The following SMOC1 variants were observed in gnomAD, a reference collection of about 807,000 sequenced individuals.
SMOC1 encodes the protein SPARC related modular calcium binding 1, also known as SPARC-related modular calcium-binding protein 1.
Under a neutral mutation model 56.3 loss-of-function variants are expected in SMOC1, and 22 were observed. The ratio of observed to expected loss-of-function variants is 0.39; its 90% CI spans 0.28 to 0.56. The LOEUF (loss-of-function observed/expected upper bound fraction) is 0.56. Ranked by LOEUF, SMOC1 falls within the 20% of genes least tolerant of loss-of-function variation. The pLI, the probability that SMOC1 is intolerant of heterozygous loss-of-function variation, is 0.61. For synonymous variants in SMOC1, 193 were observed against 215.0 expected (o/e 0.90, Z 0.89); for missense variants, 509 against 565.4 (o/e 0.90, Z 1.01).
intron 1 of SMOC1, among the ~76,000 whole-genome samples, chr14:69,934,935 G>A (rs1885258504): frequency 1.3e-5 from 2 of 152,156 alleles, no homozygotes; most frequent in African/African-American, 4.8e-5. Flanking sequence ...GTGGTTGTCA[G>A]GATCAATTAA....
chr14:69,935,561 G>A (rs894712024), intron 1 of SMOC1, among the ~76,000 whole-genome samples: 3 of 152,218 alleles, frequency 2.0e-5, no homozygotes, highest in Admixed American at 6.5e-5. Flanking sequence ...TCTCTTTAGA[G>A]TTGATGTGTT....
At chr14:69,881,852 G>T (rs1345465934) in intron 1 of SMOC1, among the ~76,000 whole-genome samples, 2 of 152,180 alleles carry the variant, frequency 1.3e-5, no homozygotes, top group Non-Finnish European at 2.9e-5. Flanking sequence ...AGAACAAGAA[G>T]TTGGGTCTTT....
chr14:69,929,766 G>A (rs1885111095), intron 1 of SMOC1, among the ~76,000 whole-genome samples: 1 of 152,206 alleles, frequency 6.6e-6, no homozygotes, highest in Admixed American at 6.5e-5. Context: ...ATTAAACACA[G>A]GTGGAACTGC....
Position 69,953,402 on chromosome 14 carries a change from G to A in SMOC1, c.266-18G>A. Reference sequence around the variant, plus strand: ...CGAATCCAAGTGAAATATGAAATCTGCTCCTCTCCTCTTTCAGATGCTGGC... The same window carrying A: ...CGAATCCAAGTGAAATATGAAATCTACTCCTCTCCTCTTTCAGATGCTGGC... On this transcript the variant is annotated intron_variant, in intron 2 of 11. Transcript: ENST00000361956. 1 of 1,612,218 alleles carries A rather than the reference G, an allele frequency of 6.2e-7. No homozygotes were observed. Among genetic ancestry groups the A allele is most frequent in the Non-Finnish European group, 8.5e-7 (1 of 1,178,242 alleles).
intron 3 of SMOC1, among the ~76,000 whole-genome samples, chr14:69,971,471 G>C (rs1883760650): frequency 6.6e-6 from 1 of 152,202 alleles, no homozygotes; most frequent in Non-Finnish European, 1.5e-5. Context: ...GATAGGAGCA[G>C]ATTTCACTGT....
chr14:69,897,635 G>A (rs758672773), intron 1 of SMOC1, among the ~76,000 whole-genome samples: 5 of 151,342 alleles, frequency 3.3e-5, no homozygotes, highest in Non-Finnish European at 7.4e-5. Context: ...GCTAATCCAA[G>A]TCCTCTTTCA....
At position 69,987,811 on chromosome 14, in the gene SMOC1, G is replaced by A. The variant is rs531283167; in HGVS notation, c.527-4606G>A. ...CGAAGTGACTTCCAGCTGTCTGTGC[G>A]TGGGCCAGGCCTTCTCGCAGGGCAA... On this transcript the variant is annotated intron_variant, in intron 5 of 11. Transcript: ENST00000361956. Among the ~76,000 whole-genome samples the A allele has an allele frequency of 5.9e-5, 9 of 152,280 alleles. No individual in the cohort carries two copies. The East Asian group carries it at 1.5e-3, about 26-fold the overall frequency.
At chr14:69,920,608 T>C (rs571842633) in intron 1 of SMOC1, among the ~76,000 whole-genome samples, 10 of 152,308 alleles carry the variant, frequency 6.6e-5, no homozygotes, top group African/African-American at 2.2e-4. Flanking sequence ...CAGCGCCAGG[T>C]AAGGATACAA....
chr14:69,943,346 G>A lies in SMOC1; in HGVS notation c.100-8792G>A, dbSNP rs528676093. 4.1e-4 allele frequency among the ~76,000 whole-genome samples: 63 copies of A among 152,180 alleles called. 1 individual carries two copies. The highest frequency in any genetic ancestry group is 1.5e-3 in the African/African-American group (61 of 41,456). On this transcript the variant is annotated intron_variant, in intron 1 of 11. Transcript: ENST00000361956. ...CGGAGCCCCCCTCTGAAGCCAGCAGGTCGAGGCCCTTCTTTGCACCTGTGT... is the reference window on the plus strand; with the variant it reads ...CGGAGCCCCCCTCTGAAGCCAGCAGATCGAGGCCCTTCTTTGCACCTGTGT...
chr14:69,933,634 A>T (rs1018171406), intron 1 of SMOC1, among the ~76,000 whole-genome samples: 5 of 151,854 alleles, frequency 3.3e-5, no homozygotes, highest in Non-Finnish European at 2.9e-5. Flanking sequence ...GGTTCAAGCG[A>T]TTCTCATGTC....
chr14:69,905,551 G>A (rs905701770), intron 1 of SMOC1, among the ~76,000 whole-genome samples: 1 of 152,184 alleles, frequency 6.6e-6, no homozygotes, highest in South Asian at 2.1e-4. Context: ...CAAGCAGTGA[G>A]TAGTTTGGAG....
intron 5 of SMOC1, among the ~76,000 whole-genome samples, chr14:69,988,750 G>A (rs11844519): frequency 0.17 from 25,279 of 152,084 alleles, 2,466 homozygotes; most frequent in African/African-American, 0.26. Flanking sequence ...TGTTTTCTGT[G>A]TCTATAGATG....
chr14:69,887,958 TG>T (rs1200478345), intron 1 of SMOC1, among the ~76,000 whole-genome samples: 1 of 152,128 alleles, frequency 6.6e-6, no homozygotes, highest in Non-Finnish European at 1.5e-5. Flanking sequence ...TTGCAGGAGC[TG>T]GGGGTGGGAT....
At chr14:69,910,121 A>C (rs1193486972) in intron 1 of SMOC1, among the ~76,000 whole-genome samples, 1 of 152,244 alleles carries the variant, frequency 6.6e-6, no homozygotes, top group Non-Finnish European at 1.5e-5. Context: ...AAAAGATTTA[A>C]TATGATGAAC....
At chr14:69,964,697 C>A (rs1311980903) in intron 3 of SMOC1, among the ~76,000 whole-genome samples, 2 of 152,104 alleles carry the variant, frequency 1.3e-5, no homozygotes, top group Non-Finnish European at 2.9e-5. Context: ...ATCAACAACA[C>A]CACCACTTTC....
At chr14:70,015,091 A>G (rs1184753521) in intron 10 of SMOC1, among the ~76,000 whole-genome samples, 1 of 152,242 alleles carries the variant, frequency 6.6e-6, no homozygotes, top group Non-Finnish European at 1.5e-5. Context: ...TAGATAAAGA[A>G]CATGCGGTAT....
At chr14:69,949,871 G>A (rs1485270225) in intron 1 of SMOC1, among the ~76,000 whole-genome samples, 2 of 152,182 alleles carry the variant, frequency 1.3e-5, no homozygotes, top group Non-Finnish European at 1.5e-5. Context: ...GGGGCAACTC[G>A]AGGGGGGTTG....
chr14:69,989,175 T>G (rs1884474909), intron 5 of SMOC1, among the ~76,000 whole-genome samples: 1 of 152,232 alleles, frequency 6.6e-6, no homozygotes, highest in African/African-American at 2.4e-5. Context: ...GGGTTCCATT[T>G]CCTCCACATC....
At chr14:69,948,093 C>T (rs1304343534) in intron 1 of SMOC1, among the ~76,000 whole-genome samples, 1 of 152,134 alleles carries the variant, frequency 6.6e-6, no homozygotes, top group Non-Finnish European at 1.5e-5. Context: ...TTATTGAGTA[C>T]AGAGCAGTTG....
Sources: gnomAD v4.1 joint callset for allele counts (sites outside exome capture counted in the v4.1 genomes callset) on GRCh38, gnomAD v4.1.1 for gene constraint, MANE v1.5 for transcripts, NCBI Gene and HGNC (gene_info 2026-07-23, HGNC 2026-07-21) for gene names.